EHBP1: variants seen among roughly 807,000 people sequenced by gnomAD.
EHBP1 encodes the protein EH domain binding protein 1, also known as EH domain-binding protein 1.
In EHBP1, 55 loss-of-function variants were observed where a neutral mutation model predicts 144.0. The ratio of observed to expected loss-of-function variants is 0.38; its 90% confidence interval spans 0.31 to 0.48. EHBP1 has a LOEUF of 0.48. Ranked by LOEUF, EHBP1 falls within the 20% of genes least tolerant of loss-of-function variation. The pLI is 0.98. For missense variants in EHBP1, 1,200 were observed against 1,364.2 expected, an observed-to-expected ratio of 0.88 and a Z score of 1.90; for synonymous variants, 469 against 472.7, an observed-to-expected ratio of 0.99 and a Z score of 0.10.
chr2:62,918,940 T>C (rs1438365887), intron 10 of EHBP1, among the ~76,000 whole-genome samples: 2 of 152,132 alleles, frequency 1.3e-5, no homozygotes, highest in Non-Finnish European at 2.9e-5. Context: ...CTGGGGTCTA[T>C]TGAAGCCTTC....
At chr2:62,875,800 A>G (rs868674475) in intron 10 of EHBP1, among the ~76,000 whole-genome samples, 1 of 152,238 alleles carries the variant, frequency 6.6e-6, no homozygotes, top group Non-Finnish European at 1.5e-5. Flanking sequence ...AAATTATCTG[A>G]TAGAGCTGAA....
chr2:63,012,914 A>G (rs969882409), intron 19 of EHBP1, among the ~76,000 whole-genome samples: 8 of 152,312 alleles, frequency 5.3e-5, no homozygotes, highest in Admixed American at 2.0e-4. Context: ...TTCATGTTGA[A>G]TAGTAGCATT....
intron 19 of EHBP1, among the ~76,000 whole-genome samples, chr2:63,033,233 AT>A (rs1168900996): frequency 3.9e-5 from 6 of 152,182 alleles, no homozygotes; most frequent in Admixed American, 2.6e-4. Context: ...TTTTTGTCAT[AT>A]GTCTTTCAAA....
At chr2:62,983,531 C>T (rs2059059488) in intron 15 of EHBP1, among the ~76,000 whole-genome samples, 1 of 152,014 alleles carries the variant, frequency 6.6e-6, no homozygotes, top group South Asian at 2.1e-4. Context: ...TAACTTTAAA[C>T]TGACATTTTT....
intron 15 of EHBP1, among the ~76,000 whole-genome samples, chr2:62,989,558 C>T (rs955912102): frequency 1.3e-4 from 20 of 152,106 alleles, no homozygotes; most frequent in Non-Finnish European, 2.9e-5. Context: ...AAACTCTCCT[C>T]CTACTTAATG....
intron 10 of EHBP1, among the ~76,000 whole-genome samples, chr2:62,885,169 A>G (rs2051822159): frequency 6.6e-6 from 1 of 152,212 alleles, no homozygotes; most frequent in African/African-American, 2.4e-5. Flanking sequence ...CAGCCAGATG[A>G]TTGATTTCTC....
chr2:62,832,392 A>C (rs925077502), intron 7 of EHBP1, among the ~76,000 whole-genome samples: 3 of 140,744 alleles, frequency 2.1e-5, no homozygotes, highest in Non-Finnish European at 4.7e-5. Context: ...AGTTTGTTTT[A>C]CTGAACTTTG....
intron 10 of EHBP1, among the ~76,000 whole-genome samples, chr2:62,904,611 G>T (rs2053657521): frequency 6.6e-6 from 1 of 152,160 alleles, no homozygotes; most frequent in Non-Finnish European, 1.5e-5. Flanking sequence ...AAGGACCTCA[G>T]TGTGGAACAG....
chr2:62,831,360 A>G (rs552120368), intron 7 of EHBP1, among the ~76,000 whole-genome samples: 1 of 152,300 alleles, frequency 6.6e-6, no homozygotes, highest in South Asian at 2.1e-4. Context: ...GAGATCAAGT[A>G]CAAGGATGGT....
In EHBP1 at chr2:62,790,072, C is replaced by T. The variant is rs540255296; in HGVS notation, c.312+18680C>T. ...AGTGAGCCAGTCTTTGAAATAAAGC[C>T]CAGGTGAATATTTATATTTCCACTG... On this transcript the variant is annotated intron_variant, in intron 5 of 22. Transcript: ENST00000431489. Among the ~76,000 whole-genome samples the T allele has an allele frequency of 2.6e-5, 4 of 152,188 alleles. No individual in the cohort carries two copies. In the East Asian group the frequency reaches 7.7e-4, roughly 29 times the overall value.
At position 62,948,863 on chromosome 2, in the gene EHBP1, G is replaced by T. The variant is rs1490442413; in HGVS notation, c.2017G>T (p.Asp673Tyr). 6.2e-7 allele frequency: 1 copy of T among 1,614,042 alleles called. No individual in the cohort carries two copies. The highest frequency in any genetic ancestry group is 1.7e-5 in the Admixed American group (1 of 60,012). Reference protein sequence around the residue: ...SDLYVSDKKKDMSPPFICEET... With the variant: ...SDLYVSDKKKYMSPPFICEET... ...CTTATATGTTAGTGATAAGAAGAAG[G>T]ATATGTCTCCACCCTTTATTTGTGA... is the stretch of plus-strand genomic sequence containing the variant. Residue 673 changes from aspartate to tyrosine, a missense_variant, in exon 13 of 23, where the codon GAT (aspartate) becomes TAT (tyrosine). Coordinates refer to ENST00000431489, the MANE Select transcript of EHBP1 (RefSeq NM_001142616.3).
chr2:62,748,392 G>A (rs534934057), intron 3 of EHBP1, among the ~76,000 whole-genome samples: 193 of 152,180 alleles, frequency 1.3e-3, no homozygotes, highest in Non-Finnish European at 2.4e-3. Context: ...CTATCCTTAC[G>A]CCTGTAATCC....
intron 10 of EHBP1, among the ~76,000 whole-genome samples, chr2:62,910,167 A>G (rs1461829107): frequency 6.6e-6 from 1 of 152,206 alleles, no homozygotes; most frequent in Non-Finnish European, 1.5e-5. Context: ...TTATTGGAAG[A>G]GGAATGAAAT....
At chr2:62,994,084 A>G in intron 18 of EHBP1, 107 bp downstream of exon 18, 1 of 690,490 alleles carries the variant, frequency 1.4e-6, no homozygotes, top group Non-Finnish European at 2.4e-6. Context: ...TTAAGATGTC[A>G]ATCTCCAGTG....
At chr2:62,879,383 C>T (rs903656653) in intron 10 of EHBP1, among the ~76,000 whole-genome samples, 5 of 151,982 alleles carry the variant, frequency 3.3e-5, no homozygotes, top group Non-Finnish European at 5.9e-5. Flanking sequence ...ATTGAGAAAA[C>T]CTCATAGTTG....
chr2:62,824,187 A>G (rs1026062985), intron 5 of EHBP1, among the ~76,000 whole-genome samples: 1 of 152,020 alleles, frequency 6.6e-6, no homozygotes, highest in African/African-American at 2.4e-5. Flanking sequence ...TAAGTTTTCA[A>G]AATTATGCTC....
At chr2:63,037,409 T>C (rs2061484848) in intron 19 of EHBP1, 126 bp from the exon 20 acceptor site, 1 of 602,172 alleles carries the variant, frequency 1.7e-6, no homozygotes, top group African/African-American at 2.0e-5. Context: ...AACCTTCTTA[T>C]AAGCAGTTTA....
chr2:62,805,561 A>C (rs4671051), intron 5 of EHBP1, among the ~76,000 whole-genome samples: 1 of 150,548 alleles, frequency 6.6e-6, no homozygotes, highest in East Asian at 2.0e-4. Context: ...GTCACCTAGG[A>C]TGGAGTATAG....
chr2:62,826,279 T>G lies in EHBP1; in HGVS notation c.494+11T>G, dbSNP rs754699612. 2.5e-6 allele frequency: 4 copies of G among 1,589,960 alleles called. No individual in the cohort carries two copies. In the South Asian group the frequency reaches 3.5e-5, roughly 14 times the overall value. The stretch of plus-strand genomic sequence containing the variant: ...GGAAGGAAAAGCCACGTAAGTTTCT[T>G]TTGTCAAATAAGCTTCCTTACATTG... On this transcript the variant is annotated intron_variant, in intron 6 of 22. Coordinates refer to ENST00000431489, the MANE Select transcript of EHBP1 (RefSeq NM_001142616.3).
Sources: allele counts gnomAD v4.1 joint callset (sites outside exome capture counted in the v4.1 genomes callset), GRCh38; gene constraint gnomAD v4.1.1; transcripts MANE v1.5; gene names NCBI Gene and HGNC (gene_info 2026-07-23, HGNC 2026-07-21).